FOCAD: variants seen among roughly 807,000 people sequenced by gnomAD.
The protein encoded by FOCAD is KIAA1797.
A neutral mutation model predicts 225.6 loss-of-function variants in FOCAD; 198 were observed. The observed-to-expected ratio is 0.88, with a 90% CI of 0.78 to 0.99. The LOEUF (loss-of-function observed/expected upper bound fraction) is 0.99, where lower values mean the gene tolerates loss of function less well. FOCAD is among the 50% of genes least tolerant of loss of function. FOCAD has a pLI of 0.00. For synonymous variants in FOCAD, 897 were observed against 755.0 expected (o/e 1.19, Z -3.08); for missense variants, 2,713 against 2,123.6 (o/e 1.28, Z -5.46).
intron 6 of FOCAD, among the ~76,000 whole-genome samples, chr9:20,764,550 C>T (rs765188134): frequency 2.6e-5 from 4 of 152,182 alleles, no homozygotes; most frequent in Non-Finnish European, 5.9e-5. Context: ...CCTCCGTGCC[C>T]AGCCCAGATG....
intron 35 of FOCAD, among the ~76,000 whole-genome samples, chr9:20,964,397 A>G (rs1839058370): frequency 6.6e-6 from 1 of 152,156 alleles, no homozygotes; most frequent in Non-Finnish European, 1.5e-5. Flanking sequence ...CTGTCTCAGA[A>G]AAGAAAAAAT....
At chr9:20,798,224 TG>T (rs764334706) in intron 11 of FOCAD, among the ~76,000 whole-genome samples, 1 of 152,208 alleles carries the variant, frequency 6.6e-6, no homozygotes, top group Non-Finnish European at 1.5e-5. Flanking sequence ...TTAAGCTTTT[TG>T]ATGCGCTGCT....
Position 20,912,930 on chromosome 9 carries a change from A to C in FOCAD, c.2783A>C (p.Tyr928Ser). ...AAAGAAGAACCTGAGGAGGTGCAGT[A>C]CAAAAAAAGCACAGCCTGGCTCTGG... ...HGKEEPEEVQ[Y>S]KKSTAWLWVR... The change falls in exon 23 of 44, where the codon TAC (tyrosine) becomes TCC (serine). Residue 928 changes from tyrosine to serine, a missense_variant. Coordinates refer to ENST00000338382, the MANE Select transcript of FOCAD (RefSeq NM_001375567.1). 1 of 1,613,144 alleles carries C rather than the reference A, an allele frequency of 6.2e-7. No individual in the cohort carries two copies. The highest frequency in any genetic ancestry group is 8.5e-7 in the Non-Finnish European group (1 of 1,179,486).
intron 18 of FOCAD, among the ~76,000 whole-genome samples, chr9:20,869,870 C>A (rs1017728829): frequency 6.6e-6 from 1 of 152,072 alleles, no homozygotes; most frequent in Non-Finnish European, 1.5e-5. Context: ...AAAATTGGTT[C>A]CAAAATTTCA....
chr9:20,718,205 G>A (rs1010323650), intron 3 of FOCAD, among the ~76,000 whole-genome samples: 1 of 152,166 alleles, frequency 6.6e-6, no homozygotes, highest in African/African-American at 2.4e-5. Context: ...AATTATTTTG[G>A]TAATGAAGAG....
At chr9:20,685,743 AATGTTT>A (rs1459756262) in intron 1 of FOCAD, among the ~76,000 whole-genome samples, 1 of 152,140 alleles carries the variant, frequency 6.6e-6, no homozygotes, top group African/African-American at 2.4e-5. Context: ...TCTCTTGGCT[AATGTTT>A]ATCAATATTA....
At chr9:20,784,341 C>G (rs924125355) in intron 10 of FOCAD, among the ~76,000 whole-genome samples, 4 of 152,158 alleles carry the variant, frequency 2.6e-5, no homozygotes, top group African/African-American at 9.7e-5. Context: ...TTGACAAGGT[C>G]TAACACTAGA....
At chr9:20,670,035 A>G (rs1822013398) in intron 2 of FOCAD, among the ~76,000 whole-genome samples, 1 of 152,232 alleles carries the variant, frequency 6.6e-6, no homozygotes, top group Non-Finnish European at 1.5e-5. Context: ...TGCAAGCCCT[A>G]TGATGGCAGC....
chr9:20,994,605 C>T (rs1467282467), intron 43 of FOCAD, among the ~76,000 whole-genome samples: 1 of 152,138 alleles, frequency 6.6e-6, no homozygotes, highest in Non-Finnish European at 1.5e-5. Context: ...CAACAGTGCT[C>T]CCACATAACT....
intron 2 of FOCAD, 148 bp downstream of exon 2, chr9:20,715,558 T>A (rs1187714684): frequency 2.9e-6 from 1 of 347,030 alleles, no homozygotes; most frequent in African/African-American, 2.1e-5. Context: ...TACATTTAAT[T>A]TGAAAATATA....
intron 1 of FOCAD, among the ~76,000 whole-genome samples, chr9:20,701,793 T>C (rs1213460661): frequency 6.6e-6 from 1 of 152,224 alleles, no homozygotes. Context: ...ATATGTAATG[T>C]TTGCGCATTA....
intron 2 of FOCAD, among the ~76,000 whole-genome samples, chr9:20,666,188 T>A (rs1483831852): frequency 6.6e-6 from 1 of 152,208 alleles, no homozygotes; most frequent in Non-Finnish European, 1.5e-5. Context: ...TGTAGTACTA[T>A]CTCATTGTTT....
intron 2 of FOCAD, among the ~76,000 whole-genome samples, chr9:20,717,053 T>G (rs1000574900): frequency 1.3e-5 from 2 of 152,242 alleles, no homozygotes; most frequent in African/African-American, 4.8e-5. Context: ...CTTATTACTA[T>G]TCCTTTTACT....
intron 21 of FOCAD, among the ~76,000 whole-genome samples, chr9:20,904,325 A>G (rs1459357221): frequency 4.1e-4 from 62 of 151,926 alleles, no homozygotes; most frequent in Non-Finnish European, 7.4e-5. Flanking sequence ...CTTTCTGAGG[A>G]ACCACCATTA....
chr9:20,956,637 G>T (rs1304321396), intron 35 of FOCAD, among the ~76,000 whole-genome samples: 1 of 152,104 alleles, frequency 6.6e-6, no homozygotes, highest in African/African-American at 2.4e-5. Context: ...AGTAAGAAAA[G>T]AATCCTATTG....
intron 11 of FOCAD, among the ~76,000 whole-genome samples, chr9:20,815,171 G>A (rs1263529098): frequency 1.3e-5 from 1 of 78,690 alleles, no homozygotes; most frequent in African/African-American, 5.1e-5. Context: ...GTCTCGCTTT[G>A]TCTCCCAGGC....
chr9:20,960,989 A>G (rs1157777468), intron 35 of FOCAD, among the ~76,000 whole-genome samples: 5 of 151,980 alleles, frequency 3.3e-5, no homozygotes, highest in East Asian at 1.9e-4. Flanking sequence ...AATCCAGTCT[A>G]TCATTGATGG....
chr9:20,668,395 G>A lies in FOCAD; in HGVS notation c.-78+9569G>A, dbSNP rs188130608. Among the ~76,000 whole-genome samples, 74 of 152,260 alleles carry A rather than the reference G, an allele frequency of 4.9e-4. No individual in the cohort carries two copies. In the East Asian group the frequency reaches 9.4e-3, roughly 19 times the overall value. ...ATTTTATAAATGTTTATTAATATAAGCAAGTTGCTTTATTTACTAGCATTA... is the reference window on the plus strand; with the variant it reads ...ATTTTATAAATGTTTATTAATATAAACAAGTTGCTTTATTTACTAGCATTA... On this transcript the variant is annotated intron_variant, in intron 2 of 45. Coordinates refer to the FOCAD transcript ENST00000380249.
chr9:20,659,952 C>A (rs1821662774), intron 2 of FOCAD, among the ~76,000 whole-genome samples: 1 of 152,174 alleles, frequency 6.6e-6, no homozygotes, highest in South Asian at 2.1e-4. Context: ...AAGTTGGCAA[C>A]ATTTTCCAGG....
Sources: allele counts gnomAD v4.1 joint callset (sites outside exome capture counted in the v4.1 genomes callset), GRCh38; gene constraint gnomAD v4.1.1; transcripts MANE v1.5; gene names NCBI Gene and HGNC (gene_info 2026-07-23, HGNC 2026-07-21).